Variants in IFT140 observed in about 807,000 individuals in gnomAD.
IFT140 encodes intraflagellar transport 140.
IFT140 carries 133 observed loss-of-function variants against 164.6 expected under a neutral mutation model. The ratio of observed to expected loss-of-function variants is 0.81; its 90% CI spans 0.70 to 0.93. The LOEUF is 0.93. IFT140 is among the 40% of genes least tolerant of loss of function. The pLI is 0.00. For synonymous variants in IFT140, 860 were observed against 817.3 expected (o/e 1.05, Z -0.89); for missense variants, 2,045 against 1,972.3 (o/e 1.04, Z -0.70).
intron 3 of IFT140, chr16:1,604,318 G>GTGTGTGTGTGT (rs765604573): frequency 0.028 from 1,860 of 67,312 alleles, 33 homozygotes; most frequent in East Asian, 0.043. Context: ...TGTGTGTGTG[G>GTGTGTGTGTGT]AGGGGGGAGC....
chr16:1,532,164 C>G (rs1188847797), intron 19 of IFT140: 2 of 152,282 alleles, frequency 1.3e-5, no homozygotes. Flanking sequence ...TCCGAGCCAC[C>G]CGGGAGAGTG....
Position 1,558,885 on chromosome 16 carries a change from C to G in IFT140, c.2200-751G>C, listed in dbSNP as rs140076409. On this transcript the variant is annotated intron_variant, in intron 18 of 30. Coordinates refer to ENST00000426508, the MANE Select transcript of IFT140 (RefSeq NM_014714.4). ...TGACTTCCTGAAGGGTGACTCCAGC[C>G]ACCTGCCTCCCCAGCTGCGCTCCCA... Among the ~76,000 whole-genome samples the G allele has an allele frequency of 3.2e-4, 49 of 152,356 alleles. 1 individual carries two copies. In the East Asian group the frequency reaches 9.4e-3, roughly 29 times the overall value.
chr16:1,511,269 G>T, intron 30 of IFT140, 119 bp from the exon 31 acceptor site: 1 of 882,964 alleles, frequency 1.1e-6, no homozygotes, highest in Non-Finnish European at 1.8e-6. Context: ...CCGCGCTGGA[G>T]GACACGGGGT....
In IFT140 at chr16:1,583,320, TC is replaced by T; in HGVS notation, c.1425del (p.Ser476ValfsTer12). 1.2e-6 allele frequency: 2 copies of T among 1,614,074 alleles called. No individual in the cohort carries two copies. The highest frequency in any genetic ancestry group is 1.7e-6 in the Non-Finnish European group (2 of 1,179,946). On this transcript the variant is annotated frameshift_variant, in exon 12 of 31. Coordinates refer to ENST00000426508, the MANE Select transcript of IFT140 (RefSeq NM_014714.4). LOFTEE classifies it high-confidence loss of function. ...AIFELSGAAI[R>X]SAGTFLCETP... ...CCGGGTGAAAAGAACCCACCTGCAC[TC>T]CGTATCGCGGCTCCAGAAAGCTCGA...
At chr16:1,587,083 T>C in intron 9 of IFT140, 115 bp downstream of exon 9, 1 of 724,404 alleles carries the variant, frequency 1.4e-6, no homozygotes, top group Admixed American at 2.1e-5. Context: ...TGGCTGTGAG[T>C]TACCAAGTTA....
chr16:1,556,956 C>A (rs1322044005), intron 19 of IFT140, among the ~76,000 whole-genome samples: 1 of 152,188 alleles, frequency 6.6e-6, no homozygotes, highest in Admixed American at 6.5e-5. Context: ...ACTTCAGGAA[C>A]GCACCACAAC....
chr16:1,538,369 C>T (rs1026451301), intron 19 of IFT140, among the ~76,000 whole-genome samples: 4 of 152,158 alleles, frequency 2.6e-5, no homozygotes, highest in African/African-American at 9.7e-5. Flanking sequence ...GTCAGGGGTG[C>T]GTCTGCTTAT....
intron 19 of IFT140, chr16:1,541,585 G>A (rs1425114347): frequency 5.0e-6 from 4 of 803,104 alleles, no homozygotes; most frequent in Non-Finnish European, 6.0e-6. Context: ...CCACCCCCAC[G>A]CCAGCGCCTT....
Position 1,526,526 on chromosome 16 carries a change from C to T in IFT140, c.2577+93G>A, listed in dbSNP as rs1471221571. 13 of 1,285,374 alleles carry T rather than the reference C, an allele frequency of 1.0e-5. No individual in the cohort carries two copies. In the Admixed American group the frequency reaches 3.7e-4, roughly 37 times the overall value. The allele number at this position is 1,285,374 out of a possible 1,614,324, so 79.6% of individuals were successfully genotyped here. On this transcript the variant is annotated intron_variant, in intron 20 of 30. Transcript: ENST00000426508. ...GGCTCTGCCCACATCAGTGCAGGCT[C>T]AGGCCGGTGGGCGTGCCTCCTCCTT...
rs2035069202 is a variant in IFT140 at position 1,589,621 on chromosome 16, G to C, written c.794C>G (p.Ala265Gly). ...SLYTVPPEGK[A>G]EEVMKVKLSG... Reference sequence around the variant, plus strand: ...CCCACTCACCTTCATCACTTCTTCTGCTTTGCCCTCAGGAGGCACCGTGTA... The same window carrying C: ...CCCACTCACCTTCATCACTTCTTCTCCTTTGCCCTCAGGAGGCACCGTGTA... The change falls in exon 7 of 31, where the codon GCA (alanine) becomes GGA (glycine). Residue 265 changes from alanine (A) to glycine (G), a missense_variant. Transcript: ENST00000426508. 1 of 1,614,008 alleles carries C rather than the reference G, an allele frequency of 6.2e-7. No homozygotes were observed. The highest frequency in any genetic ancestry group is 1.3e-5 in the African/African-American group (1 of 75,024).
At chr16:1,524,216 TG>T in intron 24 of IFT140, 5 of 615,208 alleles carry the variant, frequency 8.1e-6, no homozygotes, top group Non-Finnish European at 1.4e-5. Flanking sequence ...GAGCCCAGGT[TG>T]GGACATTTGT....
chr16:1,539,004 C>T (rs549141396), intron 19 of IFT140, among the ~76,000 whole-genome samples: 35 of 148,990 alleles, frequency 2.3e-4, no homozygotes, highest in African/African-American at 8.0e-4. Context: ...CACGGTGCCA[C>T]GCGGCCCCCC....
chr16:1,567,667 A>T (rs1434523888), intron 15 of IFT140, among the ~76,000 whole-genome samples: 1 of 152,202 alleles, frequency 6.6e-6, no homozygotes, highest in Non-Finnish European at 1.5e-5. Context: ...CCCTTGAACA[A>T]GCGAATGAAC....
chr16:1,606,916 CCACGTGTGCGCACACACA>C (rs2036096442), intron 3 of IFT140, among the ~76,000 whole-genome samples, 186 bp downstream of exon 3: 1 of 151,236 alleles, frequency 6.6e-6, no homozygotes, highest in South Asian at 2.1e-4. Flanking sequence ...ATGCACACAC[CCACGTGTGCGCACACACA>C]CACAGATGCA....
intron 13 of IFT140, among the ~76,000 whole-genome samples, chr16:1,576,407 C>T (rs1448827533): frequency 1.3e-5 from 2 of 150,576 alleles, no homozygotes; most frequent in Admixed American, 6.6e-5. Flanking sequence ...CTGGCTAACA[C>T]GGTGAAACCC....
chr16:1,528,112 G>A (rs1010843188), intron 19 of IFT140, among the ~76,000 whole-genome samples: 3 of 152,212 alleles, frequency 2.0e-5, no homozygotes, highest in Middle Eastern at 3.4e-3. Flanking sequence ...GGGAGATCCC[G>A]CCCCAAGGGC....
In IFT140 at chr16:1,592,250, T is replaced by C. The variant is rs756417017; in HGVS notation, c.560A>G (p.Lys187Arg). 1.9e-6 allele frequency: 3 copies of C among 1,614,208 alleles called. No individual in the cohort carries two copies. Among genetic ancestry groups the C allele is most frequent in the South Asian group, 1.1e-5 (1 of 91,086 alleles). ...CAGCAAACTTCCAGAACTGCTCTTC[T>C]TCCAGTTAAACATGTCCAGGGCTTT... Reference protein sequence around the residue: ...DEKALDMFNWKKSSSGSLLKM... With the variant: ...DEKALDMFNWRKSSSGSLLKM... The change falls in exon 6 of 31, where the codon AAG (lysine) becomes AGG (arginine). Residue 187 changes from lysine (K) to arginine (R), a missense_variant. By Grantham distance (26) the Lys-to-Arg change is conservative. Coordinates refer to ENST00000426508, the MANE Select transcript of IFT140 (RefSeq NM_014714.4).
At chr16:1,534,322 T>G in intron 19 of IFT140, 1 of 1,612,718 alleles carries the variant, frequency 6.2e-7, no homozygotes, top group South Asian at 1.1e-5. Flanking sequence ...GTGGCCCTGG[T>G]CTCACTCATC....
At chr16:1,598,363 C>T (rs2035569241) in intron 4 of IFT140, among the ~76,000 whole-genome samples, 1 of 151,948 alleles carries the variant, frequency 6.6e-6, no homozygotes, top group African/African-American at 2.4e-5. Flanking sequence ...GAGGCTGAGG[C>T]AGGAGAATGG....
Sources: gnomAD v4.1 joint callset for allele counts (sites outside exome capture counted in the v4.1 genomes callset) on GRCh38, gnomAD v4.1.1 for gene constraint, MANE v1.5 for transcripts, NCBI Gene and HGNC (gene_info 2026-07-23, HGNC 2026-07-21) for gene names.